Variants in ALDOB observed in about 807,000 individuals in gnomAD.
The protein encoded by ALDOB is aldolase, fructose-bisphosphate B.
ALDOB carries 39 observed loss-of-function variants against 41.0 expected under a neutral mutation model. The observed-to-expected ratio is 0.95, with a 90% CI of 0.74 to 1.24. The LOEUF (loss-of-function observed/expected upper bound fraction) is 1.24. Among genes scored for constraint, ALDOB ranks in the 50% most tolerant of loss-of-function variants. ALDOB has a pLI of 0.00. For synonymous variants in ALDOB, 175 were observed against 168.8 expected (o/e 1.04, Z -0.28); for missense variants, 530 against 457.3 (o/e 1.16, Z -1.45).
At position 101,424,964 on chromosome 9, in the gene ALDOB, G is replaced by C. The variant is rs1824584629; in HGVS notation, c.878C>G (p.Pro293Arg). ...AGAGAAACTTAGTTTCCAGGGCTTT[G>C]GTAGAGGGCAAAGGTTGATAGCATT... Reference protein sequence around the residue: ...NLNAINLCPLPKPWKLSFSYG... With the variant: ...NLNAINLCPLRKPWKLSFSYG... Residue 293 changes from proline (P) to arginine (R), a missense_variant, in exon 8 of 9, where the codon CCA becomes CGA. By Grantham distance (103) the Pro-to-Arg change is moderately radical (BLOSUM62 -2). Coordinates refer to ENST00000647789, the MANE Select transcript of ALDOB (RefSeq NM_000035.4). 6.2e-7 allele frequency: 1 copy of C among 1,614,194 alleles called. No individual in the cohort carries two copies. Among genetic ancestry groups the C allele is most frequent in the Non-Finnish European group, 8.5e-7 (1 of 1,180,026 alleles).
chr9:101,424,207 C>G (rs1353603260), intron 8 of ALDOB, among the ~76,000 whole-genome samples: 1 of 152,122 alleles, frequency 6.6e-6, no homozygotes, highest in African/African-American at 2.4e-5. Context: ...CACCTGAGGT[C>G]AGGAGTTTGA....
At chr9:101,426,809 A>G (rs1050863582) in intron 5 of ALDOB, among the ~76,000 whole-genome samples, 171 bp from the exon 6 acceptor site, 3 of 152,242 alleles carry the variant, frequency 2.0e-5, no homozygotes, top group African/African-American at 7.2e-5. Flanking sequence ...AAATAAATAC[A>G]AACCCGTAAT....
chr9:101,420,722 C>A lies in ALDOB; in HGVS notation c.*1087G>T, dbSNP rs879266437. On this transcript the variant is annotated 3_prime_UTR_variant, in exon 9 of 9. Coordinates refer to ENST00000647789, the MANE Select transcript of ALDOB (RefSeq NM_000035.4). ...TTTGCTTTCTTCCACTTCTCCTCCC[C>A]CTTATATTTCCTAGCTTCTGTCAGT... 6.6e-6 allele frequency: 1 copy of A among 152,124 alleles called. No individual in the cohort carries two copies. The highest frequency in any genetic ancestry group is 1.5e-5 in the Non-Finnish European group (1 of 68,020). The allele number at this position is 152,124 out of a possible 1,614,324, so 9.4% of individuals were successfully genotyped here.
rs1159670669 is a variant in ALDOB at position 101,421,073 on chromosome 9, C to T, written c.*736G>A. On this transcript the variant is annotated 3_prime_UTR_variant, in exon 9 of 9. Coordinates refer to ENST00000647789, the MANE Select transcript of ALDOB (RefSeq NM_000035.4). ...TCGTATTGTGAATGGCTTTAATTTT[C>T]AAATACCCTCAAACTTGAAATTTAG... 6.6e-6 allele frequency: 1 copy of T among 152,320 alleles called. No homozygotes were observed. The highest frequency in any genetic ancestry group is 1.5e-5 in the Non-Finnish European group (1 of 68,146). The allele number at this position is 152,320 out of a possible 1,614,324, so 9.4% of individuals were successfully genotyped here.
At chr9:101,435,307 A>G (rs1486529324) in intron 1 of ALDOB, among the ~76,000 whole-genome samples, 1 of 152,212 alleles carries the variant, frequency 6.6e-6, no homozygotes, top group East Asian at 1.9e-4. Flanking sequence ...TAGATATGTA[A>G]ATAAATCACT....
In ALDOB at chr9:101,427,569, C is replaced by T. The variant is rs780365398; in HGVS notation, c.453G>A (p.Val151=). The change falls in exon 5 of 9, where the codon GTG becomes GTA. Residue 151 remains valine, a synonymous_variant. Transcript: ENST00000647789. ...ATGGACACTGGTCGGCAATCCTCAG[C>T]ACAGCACGCCACTTCCCAAAGTCAA... is the stretch of plus-strand genomic sequence containing the variant. ...DGVDFGKWRA[V]LRIADQCPSS... is the part of the protein sequence containing the mutation. 3.1e-6 allele frequency: 5 copies of T among 1,614,166 alleles called. No homozygotes were observed. The highest frequency in any genetic ancestry group is 4.2e-6 in the Non-Finnish European group (5 of 1,180,030).
At chr9:101,433,806 G>T (rs918116936) in intron 1 of ALDOB, among the ~76,000 whole-genome samples, 6 of 151,786 alleles carry the variant, frequency 4.0e-5, no homozygotes, top group Non-Finnish European at 7.4e-5. Context: ...GTCTTGCTCT[G>T]TTGCCTAGCC....
intron 1 of ALDOB, among the ~76,000 whole-genome samples, chr9:101,434,037 G>C (rs1349621958): frequency 6.6e-6 from 1 of 152,124 alleles, no homozygotes; most frequent in East Asian, 1.9e-4. Context: ...CTCGCAAAGT[G>C]CTGGGATTAC....
intron 1 of ALDOB, among the ~76,000 whole-genome samples, chr9:101,431,184 G>A (rs1274785437): frequency 2.0e-5 from 3 of 152,206 alleles, no homozygotes; most frequent in African/African-American, 7.2e-5. Flanking sequence ...CAGCTAATTA[G>A]TGACCCACTA....
chr9:101,427,335 G>T, intron 5 of ALDOB, 147 bp downstream of exon 5: 1 of 1,001,336 alleles, frequency 1.0e-6, no homozygotes, highest in Non-Finnish European at 1.5e-6. Flanking sequence ...TACCACAGTT[G>T]GCTATAGCAA....
At chr9:101,425,820 G>T (rs1831120263) in intron 6 of ALDOB, among the ~76,000 whole-genome samples, 193 bp from the exon 7 acceptor site, 1 of 152,110 alleles carries the variant, frequency 6.6e-6, no homozygotes, top group South Asian at 2.1e-4. Context: ...CAACTAAACT[G>T]GCCTGTCTTC....
chr9:101,428,616 AG>A (rs1564078511), intron 3 of ALDOB, 93 bp from the exon 4 acceptor site: 2 of 1,124,198 alleles, frequency 1.8e-6, no homozygotes, highest in Non-Finnish European at 1.4e-6. Context: ...TTACAGATCA[AG>A]GAGTTGAATT....
rs779217157 is a variant in ALDOB, at chr9:101,421,842, G to C, written c.1062C>G (p.Thr354=). 5 of 1,613,936 alleles carry C rather than the reference G, an allele frequency of 3.1e-6. No individual in the cohort carries two copies. In the Admixed American group the frequency reaches 8.3e-5, roughly 27 times the overall value. Residue 354 remains threonine, a synonymous_variant, in exon 9 of 9, where the codon ACC becomes ACG. Transcript: ENST00000647789. Reference sequence around the variant, plus strand: ...TATAGCAGGCTGTGAAGAGCGACTGGGTGGAAGCAGCCCCAGAAGAACCCG... The same window carrying C: ...TATAGCAGGCTGTGAAGAGCGACTGCGTGGAAGCAGCCCCAGAAGAACCCG... ...VHTGSSGAAS[T]QSLFTACYTY
intron 7 of ALDOB, 41 bp downstream of exon 7, chr9:101,425,412 G>A (rs1831111300): frequency 6.2e-7 from 1 of 1,608,054 alleles, no homozygotes; most frequent in Admixed American, 1.7e-5. Flanking sequence ...TCCAAAGAAT[G>A]AGGGCTAAGA....
chr9:101,428,555 T>C (rs1382417372), intron 3 of ALDOB, 32 bp from the exon 4 acceptor site: 3 of 1,578,258 alleles, frequency 1.9e-6, no homozygotes, highest in South Asian at 2.2e-5. Context: ...AGGTGTCAGA[T>C]GTCAGGAAAA....
Position 101,425,053 on chromosome 9 carries a change from A to G in ALDOB, c.800-11T>C, listed in dbSNP as rs751667269. 5.0e-6 allele frequency: 8 copies of G among 1,613,946 alleles called. No individual in the cohort carries two copies. The highest frequency in any genetic ancestry group is 1.1e-5 in the South Asian group (1 of 91,080). ...ACAAAAAGCAGATGCCTGGTAGGAG[A>G]GAAGCCATTTCACTCTATTAGTCCC... is the stretch of plus-strand genomic sequence containing the variant. On this transcript the variant is annotated splice_polypyrimidine_tract_variant and intron_variant, in intron 7 of 8. Transcript: ENST00000647789.
At chr9:101,427,665 A>C in intron 4 of ALDOB, 23 bp from the exon 5 acceptor site, 1 of 1,613,720 alleles carries the variant, frequency 6.2e-7, no homozygotes, top group Non-Finnish European at 8.5e-7. Flanking sequence ...AAAGAGAGAA[A>C]GGCTTCTTTG....
At chr9:101,429,084 T>G (rs947999454) in intron 3 of ALDOB, among the ~76,000 whole-genome samples, 1 of 152,158 alleles carries the variant, frequency 6.6e-6, no homozygotes, top group Non-Finnish European at 1.5e-5. Context: ...ATAATTATGA[T>G]AGTTACCATT....
intron 4 of ALDOB, among the ~76,000 whole-genome samples, chr9:101,427,900 A>T (rs560116242): frequency 1.3e-5 from 2 of 152,354 alleles, no homozygotes; most frequent in East Asian, 3.9e-4. Context: ...TACTCATTTT[A>T]CAAAGGTGGA....
Sources: gnomAD v4.1 joint callset for allele counts (sites outside exome capture counted in the v4.1 genomes callset) on GRCh38, gnomAD v4.1.1 for gene constraint, MANE v1.5 for transcripts, NCBI Gene and HGNC (gene_info 2026-07-23, HGNC 2026-07-21) for gene names.